Variants in LRP1B observed in about 807,000 individuals in gnomAD.
The protein encoded by LRP1B is low-density lipoprotein receptor-related protein 1B.
In LRP1B, 217 loss-of-function variants were observed where a neutral mutation model predicts 556.6. That is an observed-to-expected ratio of 0.39 (90% CI 0.35 to 0.44). LRP1B has a LOEUF of 0.44. Ranked by LOEUF, LRP1B falls within the 20% of genes least tolerant of loss-of-function variation. LRP1B has a pLI of 1.00. For missense variants in LRP1B, 5,053 were observed against 5,620.8 expected (o/e 0.90, Z 3.23); for synonymous variants, 2,047 against 1,865.8 (o/e 1.10, Z -2.50).
rs1471599813 is a variant in LRP1B at position 141,247,371 on chromosome 2, G to A, written c.464-17C>T. 3.7e-6 allele frequency: 6 copies of A among 1,612,122 alleles called. No homozygotes were observed. The African/African-American group carries it at 6.7e-5, about 18-fold the overall frequency. On this transcript the variant is annotated splice_polypyrimidine_tract_variant and intron_variant, in intron 4 of 90. Coordinates refer to ENST00000389484, the MANE Select transcript of LRP1B (RefSeq NM_018557.3). ...CATCTTGATCTAAAAAGGAAAATTG[G>A]CATCATTTCTAAGCAGCTTTATCTT...
intron 3 of LRP1B, among the ~76,000 whole-genome samples, chr2:141,262,397 T>C (rs1684728291): frequency 6.6e-6 from 1 of 152,104 alleles, no homozygotes; most frequent in Non-Finnish European, 1.5e-5. Context: ...TTGCATTCTC[T>C]TATTACTGCT....
intron 60 of LRP1B, among the ~76,000 whole-genome samples, chr2:140,457,912 C>T (rs1021415944): frequency 6.6e-6 from 1 of 152,034 alleles, no homozygotes; most frequent in Admixed American, 6.6e-5. Context: ...TTAAAGCCTG[C>T]TTCACCAGAA....
At chr2:142,017,205 A>G (rs767537218) in intron 1 of LRP1B, among the ~76,000 whole-genome samples, 7 of 152,298 alleles carry the variant, frequency 4.6e-5, no homozygotes, top group Middle Eastern at 3.4e-3. Flanking sequence ...GCACTCAATC[A>G]TCTGAGGCAG....
chr2:141,122,751 C>T (rs75584685), intron 7 of LRP1B, among the ~76,000 whole-genome samples: 44,697 of 151,920 alleles, frequency 0.29, 6,832 homozygotes, highest in East Asian at 0.48. Flanking sequence ...CATTACTGGG[C>T]ATATACCTAA....
intron 11 of LRP1B, among the ~76,000 whole-genome samples, chr2:141,032,699 T>C (rs561015778): frequency 2.0e-5 from 3 of 151,926 alleles, no homozygotes; most frequent in Non-Finnish European, 2.9e-5. Flanking sequence ...TTTTCTGTTA[T>C]ATGAATTGTG....
intron 7 of LRP1B, among the ~76,000 whole-genome samples, chr2:141,176,206 G>T (rs190657361): frequency 5.3e-5 from 8 of 152,192 alleles, no homozygotes; most frequent in Non-Finnish European, 1.2e-4. Context: ...TTGGGAGACT[G>T]GTGGGAAGCA....
chr2:141,509,563 C>T (rs1397432023), intron 2 of LRP1B, among the ~76,000 whole-genome samples: 5 of 150,888 alleles, frequency 3.3e-5, no homozygotes, highest in Non-Finnish European at 7.4e-5. Flanking sequence ...GGTACTAGAG[C>T]TCAAACAAAC....
intron 86 of LRP1B, among the ~76,000 whole-genome samples, chr2:140,261,355 GGA>G (rs1172563465): frequency 6.6e-6 from 1 of 151,680 alleles, no homozygotes; most frequent in African/African-American, 2.4e-5. Flanking sequence ...AAGGGAAATG[GGA>G]CACACAGAGG....
At chr2:140,676,675 T>C (rs1394077954) in intron 41 of LRP1B, among the ~76,000 whole-genome samples, 1 of 152,170 alleles carries the variant, frequency 6.6e-6, no homozygotes, top group Non-Finnish European at 1.5e-5. Context: ...TTCTTGAAAA[T>C]AATTTTAGCT....
chr2:140,239,544 A>G lies in LRP1B; in HGVS notation c.13325-12T>C. 6.5e-7 allele frequency: 1 copy of G among 1,544,306 alleles called. No homozygotes were observed. Among genetic ancestry groups the G allele is most frequent in the Non-Finnish European group, 8.9e-7 (1 of 1,122,130 alleles). On this transcript the variant is annotated splice_polypyrimidine_tract_variant and intron_variant, in intron 87 of 90. Coordinates refer to ENST00000389484, the MANE Select transcript of LRP1B (RefSeq NM_018557.3). The stretch of plus-strand genomic sequence containing the variant: ...GATGGCAATGCTTCCTGGAAAATAA[A>G]TGAGTGAATAGATGAAGAAATAAAT...
chr2:142,021,163 C>T (rs761210421), intron 1 of LRP1B, among the ~76,000 whole-genome samples: 3 of 152,208 alleles, frequency 2.0e-5, no homozygotes, highest in Middle Eastern at 3.4e-3. Flanking sequence ...ACCTTGCATT[C>T]CAGAGATATA....
intron 1 of LRP1B, among the ~76,000 whole-genome samples, chr2:142,042,548 C>CT (rs1559039179): frequency 6.6e-6 from 1 of 151,378 alleles, no homozygotes; most frequent in Non-Finnish European, 1.5e-5. Context: ...TGAATTATGA[C>CT]TTTTTTTGAT....
intron 2 of LRP1B, among the ~76,000 whole-genome samples, chr2:141,697,000 A>G (rs1691754905): frequency 6.6e-6 from 1 of 151,992 alleles, no homozygotes; most frequent in East Asian, 1.9e-4. Flanking sequence ...AAAATAAGAT[A>G]GGTCAGTTTT....
At chr2:140,935,285 A>G (rs371678510) in intron 20 of LRP1B, among the ~76,000 whole-genome samples, 17 of 152,154 alleles carry the variant, frequency 1.1e-4, no homozygotes, top group African/African-American at 3.9e-4. Flanking sequence ...TAAAGTCAAG[A>G]AACAACGGAT....
rs745391761 is a variant in LRP1B, at chr2:140,851,747, G to A, written c.4616C>T (p.Pro1539Leu). The A allele has an allele frequency of 6.2e-7, 1 of 1,606,792 alleles. No individual in the cohort carries two copies. Among genetic ancestry groups the A allele is most frequent in the Non-Finnish European group, 8.5e-7 (1 of 1,177,652 alleles). The change falls in exon 28 of 91, where the codon CCC becomes CTC. Residue 1539 changes from proline to leucine, a missense_variant. Pro to Leu is a moderately conservative substitution (Grantham distance 98, BLOSUM62 -3). This residue lies in a region of LRP1B where 3,619 missense variants were observed against 3,931.9 expected (regional missense o/e 0.92). Coordinates refer to ENST00000389484, the MANE Select transcript of LRP1B (RefSeq NM_018557.3). ...NPCAANDGKG[P>L]CSHMCLINHN... ...ATTGATTAGACACATGTGAGAGCAG[G>A]GGCCTTTGCCATCATTAGCTGCACA...
Position 140,324,017 on chromosome 2 carries a change from T to C in LRP1B, c.12390A>G (p.Gly4130=). The C allele has an allele frequency of 6.2e-7, 1 of 1,610,484 alleles. No individual in the cohort carries two copies. Among genetic ancestry groups the C allele is most frequent in the Non-Finnish European group, 8.5e-7 (1 of 1,177,256 alleles). ...RIDIFEDYIY[G]AGPKNGVFRV... ...GAAATACACCATTTTTAGGTCCTGC[T>C]CCATATATATAATCTTCAAAGATAT... Residue 4130 remains glycine (G), a synonymous_variant, in exon 81 of 91, where the codon GGA becomes GGG. Coordinates refer to ENST00000389484, the MANE Select transcript of LRP1B (RefSeq NM_018557.3).
At chr2:141,996,494 C>T (rs1702494755) in intron 1 of LRP1B, among the ~76,000 whole-genome samples, 1 of 152,052 alleles carries the variant, frequency 6.6e-6, no homozygotes, top group Non-Finnish European at 1.5e-5. Context: ...CGTGGGAAAA[C>T]CAATAGGGAC....
chr2:140,828,368 G>T (rs1406015184), intron 31 of LRP1B, among the ~76,000 whole-genome samples: 1 of 151,522 alleles, frequency 6.6e-6, no homozygotes, highest in Non-Finnish European at 1.5e-5. Context: ...CCAGCACTTT[G>T]GGAGGCCGAG....
At chr2:140,779,753 A>AGTGTGTGTGTGTGTGTGT (rs373081625) in intron 32 of LRP1B, among the ~76,000 whole-genome samples, 2 of 133,958 alleles carry the variant, frequency 1.5e-5, no homozygotes, top group African/African-American at 5.6e-5. Context: ...TCTCTGTGAG[A>AGTGTGTGTGTGTGTGTGT]GAGTGTGTGT....
Sources: gnomAD v4.1 joint callset for allele counts (sites outside exome capture counted in the v4.1 genomes callset) on GRCh38, gnomAD v4.1.1 for gene constraint, gnomAD v4.1.1 regional missense constraint, MANE v1.5 for transcripts, NCBI Gene and HGNC (gene_info 2026-07-23, HGNC 2026-07-21) for gene names.